Variants in HDAC9 observed in about 807,000 individuals in gnomAD.
HDAC9 encodes MEF-2 interacting transcription repressor (MITR) protein.
In HDAC9, 41 loss-of-function variants were observed where a neutral mutation model predicts 139.4. The observed-to-expected ratio is 0.29, with a 90% CI of 0.23 to 0.38. HDAC9 has a LOEUF of 0.38. Ranked by LOEUF, HDAC9 falls within the 10% of genes least tolerant of loss-of-function variation. HDAC9 has a pLI of 1.00. For synonymous variants in HDAC9, 517 were observed against 476.2 expected (o/e 1.09, Z -1.12); for missense variants, 1,147 against 1,297.0 (o/e 0.88, Z 1.78).
intron 1 of HDAC9, among the ~76,000 whole-genome samples, chr7:18,432,546 G>A (rs1219648598): frequency 1.3e-5 from 2 of 152,288 alleles, no homozygotes; most frequent in East Asian, 1.9e-4. Flanking sequence ...CTTTGTTAAA[G>A]CATTCTCATG....
intron 21 of HDAC9, among the ~76,000 whole-genome samples, chr7:18,838,848 T>C (rs898592528): frequency 4.6e-5 from 7 of 152,016 alleles, no homozygotes; most frequent in Non-Finnish European, 8.8e-5. Flanking sequence ...GCTACATTTA[T>C]AGTGGGATGT....
At chr7:18,915,941 G>A (rs1585302126) in intron 22 of HDAC9, among the ~76,000 whole-genome samples, 1 of 149,884 alleles carries the variant, frequency 6.7e-6, no homozygotes, top group African/African-American at 2.4e-5. Context: ...TTCAGGAAAC[G>A]AGAGTAGATG....
At chr7:18,436,823 A>G (rs1325822768) in intron 1 of HDAC9, among the ~76,000 whole-genome samples, 1 of 152,216 alleles carries the variant, frequency 6.6e-6, no homozygotes, top group African/African-American at 2.4e-5. Flanking sequence ...GTAGATGAAT[A>G]AGGAATAGAT....
intron 21 of HDAC9, among the ~76,000 whole-genome samples, chr7:18,853,462 T>C (rs1264282009): frequency 6.6e-6 from 1 of 152,214 alleles, no homozygotes; most frequent in Non-Finnish European, 1.5e-5. Flanking sequence ...AATTGTAAGA[T>C]AATTTGTTCT....
At chr7:18,288,518 A>G (rs536329615), upstream of HDAC9, among the ~76,000 whole-genome samples, 8 of 152,038 alleles carry the variant, frequency 5.3e-5, no homozygotes, top group African/African-American at 1.9e-4. Context: ...TCTTTAATTC[A>G]TATTTACTTG....
rs374718487 is a variant in HDAC9 at position 18,996,077 on chromosome 7, C to G, written c.*15C>G. On this transcript the variant is annotated 3_prime_UTR_variant, in exon 26 of 26. Coordinates refer to ENST00000686413, the MANE Select transcript of HDAC9 (RefSeq NM_178425.4). ...CAGCCTTGTGAAGTGCCAAGTCCCC[C>G]TCTGATATTTCCTGTGTGTGACATC... 18 of 1,593,908 alleles carry G rather than the reference C, an allele frequency of 1.1e-5. No homozygotes were observed. Among genetic ancestry groups the G allele is most frequent in the Admixed American group, 1.7e-5 (1 of 58,404 alleles).
At chr7:18,170,985 A>G (rs1788387324) in intron 2 of HDAC9, among the ~76,000 whole-genome samples, 1 of 152,208 alleles carries the variant, frequency 6.6e-6, no homozygotes, top group South Asian at 2.1e-4. Context: ...CTGTGAAGAA[A>G]GTCATTGGTA....
At chr7:18,921,110 G>C (rs1429266038) in intron 22 of HDAC9, among the ~76,000 whole-genome samples, 1 of 152,052 alleles carries the variant, frequency 6.6e-6, no homozygotes, top group Non-Finnish European at 1.5e-5. Flanking sequence ...TTACATGTTA[G>C]ACCTAAAACC....
At chr7:18,160,413 C>A (rs1258538839) in intron 1 of HDAC9, among the ~76,000 whole-genome samples, 1 of 152,138 alleles carries the variant, frequency 6.6e-6, no homozygotes, top group Non-Finnish European at 1.5e-5. Flanking sequence ...AATTCAAATT[C>A]AAGTAAATTT....
intron 1 of HDAC9, among the ~76,000 whole-genome samples, chr7:18,465,844 T>C (rs1794225206): frequency 6.6e-6 from 1 of 152,240 alleles, no homozygotes; most frequent in South Asian, 2.1e-4. Flanking sequence ...ATGGACTCTC[T>C]TTCTTTTTCT....
intron 13 of HDAC9, among the ~76,000 whole-genome samples, chr7:18,734,489 CTGTCCTTGTGATAGTTTGCTGAGAATGG>C (rs1445219276): frequency 6.6e-6 from 1 of 152,170 alleles, no homozygotes; most frequent in Admixed American, 6.5e-5. Flanking sequence ...GGTTGGTTTT[CTGTCCTTGTGATAGTTTGCTGAGAATGG>C]TGGTTTCCAG....
chr7:18,259,744 A>T (rs1021236270), intron 2 of HDAC9, among the ~76,000 whole-genome samples: 2 of 152,358 alleles, frequency 1.3e-5, no homozygotes, highest in East Asian at 3.9e-4. Flanking sequence ...ATAAATATTG[A>T]TTGAGGAAAA....
chr7:18,535,521 C>A (rs1019911089), intron 2 of HDAC9, among the ~76,000 whole-genome samples: 1 of 151,568 alleles, frequency 6.6e-6, no homozygotes, highest in African/African-American at 2.4e-5. Context: ...CATTTGTGAT[C>A]TCTCTCAATG....
chr7:18,857,241 A>G (rs1444362951), intron 21 of HDAC9, among the ~76,000 whole-genome samples: 2 of 151,850 alleles, frequency 1.3e-5, no homozygotes, highest in Admixed American at 1.3e-4. Context: ...TAAAAAGTTT[A>G]TGAAATCAAT....
intron 2 of HDAC9, among the ~76,000 whole-genome samples, chr7:18,563,405 T>G (rs957070628): frequency 6.6e-6 from 1 of 152,120 alleles, no homozygotes; most frequent in Non-Finnish European, 1.5e-5. Flanking sequence ...TAAGCTCCAG[T>G]TATTCAATGG....
At chr7:18,732,918 T>C (rs111066294) in intron 13 of HDAC9, among the ~76,000 whole-genome samples, 1,371 of 86,784 alleles carry the variant, frequency 0.016, 301 homozygotes, top group African/African-American at 0.042. Flanking sequence ...CGTATGTGTA[T>C]ACACACGTGT....
chr7:18,496,500 C>T, intron 2 of HDAC9, 176 bp downstream of exon 2: 1 of 595,946 alleles, frequency 1.7e-6, no homozygotes, highest in Non-Finnish European at 3.0e-6. Context: ...TGTTTCTGTG[C>T]ATATTCAGTC....
At chr7:18,871,661 T>C (rs1798926779) in intron 21 of HDAC9, among the ~76,000 whole-genome samples, 1 of 152,210 alleles carries the variant, frequency 6.6e-6, no homozygotes, top group African/African-American at 2.4e-5. Flanking sequence ...TTCACAGATT[T>C]GTTTTAATAA....
chr7:18,788,529 C>T (rs905172509), intron 16 of HDAC9, among the ~76,000 whole-genome samples: 16 of 151,966 alleles, frequency 1.1e-4, no homozygotes, highest in Non-Finnish European at 1.3e-4. Flanking sequence ...CTGAGGCAGA[C>T]GGATCACCTG....
Sources: allele counts gnomAD v4.1 joint callset (sites outside exome capture counted in the v4.1 genomes callset), GRCh38; gene constraint gnomAD v4.1.1; transcripts MANE v1.5; gene names NCBI Gene and HGNC (gene_info 2026-07-23, HGNC 2026-07-21).